The following TGFBR3 variants were observed in gnomAD, a reference collection of about 807,000 sequenced individuals.
The protein encoded by TGFBR3 is transforming growth factor beta receptor type 3.
Under a neutral mutation model 87.9 loss-of-function variants are expected in TGFBR3, and 46 were observed. The observed-to-expected ratio is 0.52, with a 90% CI of 0.41 to 0.67. The LOEUF is 0.67. Ranked by LOEUF, TGFBR3 falls within the 30% of genes least tolerant of loss-of-function variation. The pLI is 0.00. For synonymous variants in TGFBR3, 381 were observed against 391.6 expected, an observed-to-expected ratio of 0.97 and a Z score of 0.32; for missense variants, 866 against 1,041.9, an observed-to-expected ratio of 0.83 and a Z score of 2.32.
At chr1:91,740,715 A>G (rs575927671) in intron 4 of TGFBR3, among the ~76,000 whole-genome samples, 79 of 152,340 alleles carry the variant, frequency 5.2e-4, no homozygotes, top group African/African-American at 1.7e-3. Flanking sequence ...GACCCAAATC[A>G]TATCATTTGC....
At chr1:91,720,534 C>A (rs1156910671) in intron 8 of TGFBR3, among the ~76,000 whole-genome samples, 1 of 152,202 alleles carries the variant, frequency 6.6e-6, no homozygotes, top group African/African-American at 2.4e-5. Flanking sequence ...ACATGAAAAT[C>A]ACTTGGGAGC....
chr1:91,905,770 T>C (rs1351943493), intron 1 of TGFBR3: 6 of 152,188 alleles, frequency 3.9e-5, no homozygotes, highest in Non-Finnish European at 8.8e-5. Context: ...GCACTTTTGG[T>C]TGCAAATGAT....
chr1:91,869,938 C>G (rs1434959392), intron 1 of TGFBR3, among the ~76,000 whole-genome samples: 1 of 152,182 alleles, frequency 6.6e-6, no homozygotes, highest in Non-Finnish European at 1.5e-5. Context: ...AATGAGACTT[C>G]AAACACACTT....
Position 91,682,214 on chromosome 1 carries a change from G to C in TGFBR3, c.*1525C>G, listed in dbSNP as rs1164345941. The stretch of plus-strand genomic sequence containing the variant: ...ATTACCTACTGAGGTTCCATTCACA[G>C]ACAACCAGGCATAACTTCCTTATTT... On this transcript the variant is annotated 3_prime_UTR_variant, in exon 17 of 17. Transcript: ENST00000212355. 1 of 454,010 alleles carries C rather than the reference G, an allele frequency of 2.2e-6. No homozygotes were observed. The highest frequency in any genetic ancestry group is 2.3e-5 in the Admixed American group (1 of 42,568). 28.1% of individuals were successfully genotyped at this position (454,010 alleles called of 1,614,324 possible).
At position 91,680,980 on chromosome 1, in the gene TGFBR3, A is replaced by G. The variant is rs1200729809; in HGVS notation, c.*2759T>C. ...ACATGGTGAAAAGCTATAGCGTATT[A>G]TACAGACAATCTGCCTTGGAGTTTG... On this transcript the variant is annotated 3_prime_UTR_variant, in exon 17 of 17. Transcript: ENST00000212355. The G allele has an allele frequency of 2.2e-6, 1 of 454,164 alleles. No individual in the cohort carries two copies. Among genetic ancestry groups the G allele is most frequent in the South Asian group, 1.6e-5 (1 of 64,482 alleles). 28.1% of individuals were successfully genotyped at this position (454,164 alleles called of 1,614,324 possible).
intron 16 of TGFBR3, chr1:91,695,394 A>C: frequency 2.4e-6 from 1 of 422,982 alleles, no homozygotes; most frequent in Non-Finnish European, 4.4e-6. Flanking sequence ...CGTTGTCTGC[A>C]TTAACCTTAA....
intron 2 of TGFBR3, among the ~76,000 whole-genome samples, chr1:91,828,360 T>A (rs1676723807): frequency 6.6e-6 from 1 of 152,148 alleles, no homozygotes; most frequent in African/African-American, 2.4e-5. Context: ...AATGGCAAAC[T>A]CATATTTCAC....
chr1:91,773,933 G>A (rs1674474441), intron 3 of TGFBR3, among the ~76,000 whole-genome samples: 1 of 152,180 alleles, frequency 6.6e-6, no homozygotes, highest in African/African-American at 2.4e-5. Context: ...GTTTTAGAGA[G>A]TTTCTTTGCT....
At chr1:91,725,746 G>A (rs1479090213) in intron 7 of TGFBR3, among the ~76,000 whole-genome samples, 2 of 152,192 alleles carry the variant, frequency 1.3e-5, no homozygotes, top group Non-Finnish European at 2.9e-5. Context: ...ACATCTACTA[G>A]GAGTAGTAAT....
chr1:91,698,959 A>G (rs1462861246), intron 14 of TGFBR3, among the ~76,000 whole-genome samples: 1 of 146,140 alleles, frequency 6.8e-6, no homozygotes, highest in Non-Finnish European at 1.5e-5. Context: ...CCTCCCCCCA[A>G]TTATTTCCTC....
chr1:91,896,920 C>T (rs372484468), intron 2 of TGFBR3, among the ~76,000 whole-genome samples: 12 of 142,850 alleles, frequency 8.4e-5, no homozygotes, highest in East Asian at 4.0e-4. Flanking sequence ...TTTTTCTTTT[C>T]TTTTTTTTTT....
chr1:91,797,963 C>T lies in TGFBR3; in HGVS notation c.62-492G>A, dbSNP rs2492088. Among the ~76,000 whole-genome samples the T allele has an allele frequency of 6.4e-3, 975 of 152,188 alleles. 7 individuals carry two copies. Among genetic ancestry groups the T allele is most frequent in the African/African-American group, 0.022 (920 of 41,514 alleles). ...CAGAGCAAGATGTAACATGTAGAGGCGATCAGGGCCAGAGCTGTACAGCAA... is the reference window on the plus strand; with the variant it reads ...CAGAGCAAGATGTAACATGTAGAGGTGATCAGGGCCAGAGCTGTACAGCAA... On this transcript the variant is annotated intron_variant, in intron 2 of 16. Coordinates refer to ENST00000212355, the MANE Select transcript of TGFBR3 (RefSeq NM_003243.5).
At chr1:91,703,838 GCTTT>G (rs1320339384) in intron 14 of TGFBR3, among the ~76,000 whole-genome samples, 2 of 152,092 alleles carry the variant, frequency 1.3e-5, no homozygotes, top group African/African-American at 4.8e-5. Flanking sequence ...TGTTCTCTGG[GCTTT>G]CTGAGTTACT....
chr1:91,740,478 C>A (rs1310016158), intron 4 of TGFBR3, among the ~76,000 whole-genome samples: 1 of 152,058 alleles, frequency 6.6e-6, no homozygotes, highest in Non-Finnish European at 1.5e-5. Context: ...GATTCTCCTG[C>A]CTCAGCCTCC....
chr1:91,695,756 G>A lies in TGFBR3; in HGVS notation c.2353C>T (p.Leu785=). 6.2e-7 allele frequency: 1 copy of A among 1,614,166 alleles called. No individual in the cohort carries two copies. ...GCAAACGCAATGCCCATCACGGTTAGGGTGTCCAGACCATGGAAAATTGCT... is the reference window on the plus strand; with the variant it reads ...GCAAACGCAATGCCCATCACGGTTAAGGTGTCCAGACCATGGAAAATTGCT... ...SPPIFHGLDT[L]TVMGIAFAAF... The change falls in exon 16 of 17, where the codon CTA becomes TTA. Residue 785 remains leucine (L), a synonymous_variant. Transcript: ENST00000212355.
intron 3 of TGFBR3, among the ~76,000 whole-genome samples, chr1:91,769,490 C>T (rs1389229487): frequency 6.6e-6 from 1 of 152,114 alleles, no homozygotes; most frequent in Non-Finnish European, 1.5e-5. Flanking sequence ...CCTGGCCACC[C>T]CACTTCCTGA....
intron 5 of TGFBR3, among the ~76,000 whole-genome samples, chr1:91,732,766 C>T (rs954098748): frequency 1.3e-5 from 2 of 152,136 alleles, no homozygotes; most frequent in African/African-American, 4.8e-5. Flanking sequence ...GTTTTTACTG[C>T]ACCAGACACA....
chr1:91,708,831 G>A, intron 13 of TGFBR3, 48 bp from the exon 14 acceptor site: 1 of 1,607,370 alleles, frequency 6.2e-7, no homozygotes, highest in Non-Finnish European at 8.5e-7. Flanking sequence ...ACTCAAAAGT[G>A]CCTTCACCAG....
At chr1:91,810,115 A>G (rs284151) in intron 2 of TGFBR3, among the ~76,000 whole-genome samples, 17,370 of 152,152 alleles carry the variant, frequency 0.11, 1,261 homozygotes, top group East Asian at 0.38. Context: ...CTGGAGTACC[A>G]TGGTGCGATC....
Sources: allele counts gnomAD v4.1 joint callset (sites outside exome capture counted in the v4.1 genomes callset), GRCh38; gene constraint gnomAD v4.1.1; transcripts MANE v1.5; gene names NCBI Gene and HGNC (gene_info 2026-07-23, HGNC 2026-07-21).